Variants in ZNF148 observed in about 807,000 individuals in gnomAD.
The protein encoded by ZNF148 is Beta-Enolase Repressor Factor-1.
ZNF148 carries 7 observed loss-of-function variants against 67.7 expected under a neutral mutation model. The observed-to-expected ratio is 0.10, with a 90% CI of 0.06 to 0.19. The LOEUF (loss-of-function observed/expected upper bound fraction) is 0.19, where lower values mean the gene tolerates loss of function less well. Ranked by LOEUF, ZNF148 falls within the 10% of genes least tolerant of loss-of-function variation. ZNF148 has a pLI of 1.00. For synonymous variants in ZNF148, 333 were observed against 330.7 expected, an observed-to-expected ratio of 1.01 and a Z score of -0.08; for missense variants, 583 against 947.1, an observed-to-expected ratio of 0.62 and a Z score of 5.05.
intron 5 of ZNF148, among the ~76,000 whole-genome samples, chr3:125,284,319 G>A (rs1938544572): frequency 1.3e-5 from 2 of 152,082 alleles, no homozygotes; most frequent in African/African-American, 4.8e-5. Flanking sequence ...CTAGTGTCAA[G>A]ATTTGAAGTT....
At chr3:125,340,278 G>C (rs1450568092) in intron 1 of ZNF148, among the ~76,000 whole-genome samples, 1 of 152,150 alleles carries the variant, frequency 6.6e-6, no homozygotes, top group Admixed American at 6.5e-5. Flanking sequence ...AAAACATCAG[G>C]AGAAGGAGAT....
At chr3:125,360,081 G>A (rs551261063) in intron 1 of ZNF148, among the ~76,000 whole-genome samples, 13 of 152,274 alleles carry the variant, frequency 8.5e-5, no homozygotes, top group African/African-American at 2.9e-4. Context: ...ACCATGGCCT[G>A]TTTAAACCCC....
intron 4 of ZNF148, among the ~76,000 whole-genome samples, chr3:125,303,066 G>A (rs562412576): frequency 2.0e-5 from 3 of 152,258 alleles, no homozygotes; most frequent in Admixed American, 6.5e-5. Flanking sequence ...CAACCTGGAC[G>A]ACTCTCAAGA....
At chr3:125,366,527 C>T (rs1268374803) in intron 1 of ZNF148, among the ~76,000 whole-genome samples, 1 of 150,832 alleles carries the variant, frequency 6.6e-6, no homozygotes, top group African/African-American at 2.4e-5. Context: ...TTTTCTTCCC[C>T]CTTGGCCAGC....
chr3:125,249,637 A>T (rs1936752183), intron 7 of ZNF148, among the ~76,000 whole-genome samples: 1 of 152,210 alleles, frequency 6.6e-6, no homozygotes, highest in Non-Finnish European at 1.5e-5. Context: ...AAAAAAACTA[A>T]AAATAGAACT....
intron 1 of ZNF148, among the ~76,000 whole-genome samples, chr3:125,338,323 C>G (rs894042125): frequency 6.6e-6 from 1 of 151,974 alleles, no homozygotes; most frequent in Non-Finnish European, 1.5e-5. Context: ...ATGATAGGTA[C>G]ATATGTATAT....
chr3:125,271,985 C>A (rs16836687), intron 7 of ZNF148, among the ~76,000 whole-genome samples: 1 of 152,168 alleles, frequency 6.6e-6, no homozygotes, highest in South Asian at 2.1e-4. Flanking sequence ...TCTTGCCCAA[C>A]GATTCCCAGC....
intron 7 of ZNF148, among the ~76,000 whole-genome samples, chr3:125,264,716 C>A (rs965810682): frequency 6.6e-6 from 1 of 152,150 alleles, no homozygotes; most frequent in African/African-American, 2.4e-5. Flanking sequence ...TCTGAAATGC[C>A]TTTCATGTCC....
chr3:125,296,474 T>G (rs1260842242), intron 4 of ZNF148, among the ~76,000 whole-genome samples: 1 of 152,162 alleles, frequency 6.6e-6, no homozygotes, highest in Non-Finnish European at 1.5e-5. Flanking sequence ...CAAAGTCCAG[T>G]TGTTGCTGTT....
intron 3 of ZNF148, among the ~76,000 whole-genome samples, chr3:125,319,304 T>G (rs542558747): frequency 1.3e-5 from 2 of 152,340 alleles, no homozygotes; most frequent in South Asian, 4.1e-4. Flanking sequence ...CGGTCGGGGC[T>G]TTTAATAAGG....
chr3:125,265,605 G>C (rs1937516202), intron 7 of ZNF148, among the ~76,000 whole-genome samples: 1 of 152,132 alleles, frequency 6.6e-6, no homozygotes, highest in South Asian at 2.1e-4. Context: ...AGTTAGAGTG[G>C]ATCAAACTCC....
At chr3:125,340,459 C>G (rs1286724527) in intron 1 of ZNF148, among the ~76,000 whole-genome samples, 1 of 152,162 alleles carries the variant, frequency 6.6e-6, no homozygotes, top group Non-Finnish European at 1.5e-5. Context: ...CCCAAAGTTA[C>G]CAGGACAGGC....
chr3:125,245,945 G>A (rs1281356029), intron 7 of ZNF148, among the ~76,000 whole-genome samples: 2 of 152,136 alleles, frequency 1.3e-5, no homozygotes, highest in African/African-American at 4.8e-5. Context: ...TACCTTTCTT[G>A]TGTCTGACCT....
intron 1 of ZNF148, among the ~76,000 whole-genome samples, chr3:125,345,375 G>A (rs1232940026): frequency 6.6e-6 from 1 of 151,982 alleles, no homozygotes; most frequent in Non-Finnish European, 1.5e-5. Context: ...CAAAATACAT[G>A]GGATGCAGCT....
At chr3:125,326,011 T>C (rs1215758864) in intron 2 of ZNF148, among the ~76,000 whole-genome samples, 1 of 152,052 alleles carries the variant, frequency 6.6e-6, no homozygotes, top group East Asian at 1.9e-4. Flanking sequence ...AAATCACATA[T>C]TCAAAAAGCT....
intron 4 of ZNF148, among the ~76,000 whole-genome samples, chr3:125,293,902 C>A (rs539984034): frequency 5.9e-5 from 9 of 152,134 alleles, no homozygotes; most frequent in African/African-American, 1.9e-4. Context: ...GATATTTAAA[C>A]GGTCTCAAAG....
At position 125,230,693 on chromosome 3, in the gene ZNF148, G is replaced by T. The variant is rs996636821; in HGVS notation, c.*1648C>A. ...TCTATATTGAAACAAAGACTGCAGA[G>T]CTATAGGGCCAGTATAAGAGTCAAA... On this transcript the variant is annotated 3_prime_UTR_variant, in exon 9 of 9. Coordinates refer to ENST00000360647, the MANE Select transcript of ZNF148 (RefSeq NM_021964.3). The T allele has an allele frequency of 6.6e-6, 1 of 152,326 alleles. No individual in the cohort carries two copies. Among genetic ancestry groups the T allele is most frequent in the Non-Finnish European group, 1.5e-5 (1 of 67,942 alleles). The allele number at this position is 152,326 out of a possible 1,614,324, so 9.4% of individuals were successfully genotyped here. A position where few individuals can be genotyped will look rare whatever the true frequency, so the allele number is the denominator to read the frequency against.
intron 7 of ZNF148, among the ~76,000 whole-genome samples, chr3:125,268,180 C>T (rs1937578474): frequency 6.7e-6 from 1 of 148,956 alleles, no homozygotes; most frequent in Non-Finnish European, 1.5e-5. Context: ...TCCTATCGAA[C>T]TACTAATATC....
At chr3:125,305,542 T>C (rs1272344842) in intron 4 of ZNF148, among the ~76,000 whole-genome samples, 1 of 152,176 alleles carries the variant, frequency 6.6e-6, no homozygotes, top group Non-Finnish European at 1.5e-5. Flanking sequence ...CCGGGCGTTG[T>C]GGCTCACACC....
Sources: allele counts gnomAD v4.1 joint callset (sites outside exome capture counted in the v4.1 genomes callset), GRCh38; gene constraint gnomAD v4.1.1; transcripts MANE v1.5; gene names NCBI Gene and HGNC (gene_info 2026-07-23, HGNC 2026-07-21).